Variants in ST3GAL1 observed in about 807,000 individuals in gnomAD.
ST3GAL1 encodes ST3 beta-galactoside alpha-2,3-sialyltransferase 1, also known as CMP-N-acetylneuraminate-beta-galactosamide-alpha-2,3-sialyltransferase 1.
Under a neutral mutation model 34.1 loss-of-function variants are expected in ST3GAL1, and 16 were observed. The ratio of observed to expected loss-of-function variants is 0.47; its 90% CI spans 0.32 to 0.71. The LOEUF (loss-of-function observed/expected upper bound fraction) is 0.71, where lower values mean the gene tolerates loss of function less well. Ranked by LOEUF, ST3GAL1 falls within the 30% of genes least tolerant of loss-of-function variation. ST3GAL1 has a pLI of 0.04. For missense variants in ST3GAL1, 353 were observed against 447.4 expected (o/e 0.79, Z 1.90); for synonymous variants, 191 against 184.7 (o/e 1.03, Z -0.28).
chr8:133,501,869 C>T (rs1225681397), intron 2 of ST3GAL1, among the ~76,000 whole-genome samples: 1 of 152,170 alleles, frequency 6.6e-6, no homozygotes, highest in Non-Finnish European at 1.5e-5. Flanking sequence ...GCTGAGATGT[C>T]GTGGGCAGAA....
intron 3 of ST3GAL1, among the ~76,000 whole-genome samples, chr8:133,484,809 T>C (rs1816520225): frequency 1.3e-5 from 2 of 152,100 alleles, no homozygotes; most frequent in South Asian, 4.2e-4. Context: ...TCCATCCCCC[T>C]GAAGCTAAGG....
chr8:133,518,382 T>C (rs1817705970), intron 2 of ST3GAL1, among the ~76,000 whole-genome samples: 1 of 152,178 alleles, frequency 6.6e-6, no homozygotes, highest in Admixed American at 6.5e-5. Flanking sequence ...TGTAATTACC[T>C]GCCCCGTGTA....
rs1815729052 is a variant in ST3GAL1 at position 133,466,195 on chromosome 8, C to T, written c.307-105G>A. On this transcript the variant is annotated intron_variant, in intron 5 of 9. Coordinates refer to ENST00000522652, the MANE Select transcript of ST3GAL1 (RefSeq NM_173344.3). The surrounding 1 kb of genome is among the most constrained non-coding windows in gnomAD (Gnocchi z 4.4). Reference sequence around the variant, plus strand: ...TGTCGTTTACTGGGGCCCTCCTGTTCACCCTTCTCTCTGCTGGGCCCCCGG... The same window carrying T: ...TGTCGTTTACTGGGGCCCTCCTGTTTACCCTTCTCTCTGCTGGGCCCCCGG... The T allele has an allele frequency of 8.4e-7, 1 of 1,190,114 alleles. No homozygotes were observed. The highest frequency in any genetic ancestry group is 2.5e-5 in the East Asian group (1 of 40,040). The allele number at this position is 1,190,114 out of a possible 1,614,324, so 73.7% of individuals were successfully genotyped here.
rs772561787 is a variant in ST3GAL1 at position 133,475,803 on chromosome 8, G to A, written c.222C>T (p.Phe74=). Residue 74 remains phenylalanine (F), a synonymous_variant, in exon 5 of 10, where the codon TTC becomes TTT. Coordinates refer to ENST00000522652, the MANE Select transcript of ST3GAL1 (RefSeq NM_173344.3). ...CIGQRKLSAW[F]DERFNQTMQP... ...GCATGGTCTGGTTGAACCTCTCATC[G>A]AACCAGGCCGAGAGCTTGCGCTGCC... The A allele has an allele frequency of 4.3e-6, 7 of 1,614,044 alleles. No individual in the cohort carries two copies. Among genetic ancestry groups the A allele is most frequent in the South Asian group, 2.2e-5 (2 of 91,070 alleles).
At chr8:133,511,786 G>A (rs1220300614) in intron 2 of ST3GAL1, among the ~76,000 whole-genome samples, 1 of 152,190 alleles carries the variant, frequency 6.6e-6, no homozygotes, top group Admixed American at 6.5e-5. Flanking sequence ...AGGCACGGTG[G>A]CTCATGCCTG....
intron 7 of ST3GAL1, among the ~76,000 whole-genome samples, chr8:133,464,081 C>G (rs1815630374): frequency 6.6e-6 from 1 of 152,022 alleles, no homozygotes; most frequent in Admixed American, 6.6e-5. Context: ...AGAAGACAGA[C>G]AGCTTGTGGA....
chr8:133,506,949 A>G (rs1563719002), intron 2 of ST3GAL1, among the ~76,000 whole-genome samples: 2 of 105,688 alleles, frequency 1.9e-5, no homozygotes, highest in East Asian at 2.1e-4. Flanking sequence ...ATAAATAAAT[A>G]AATAAATAAT....
At chr8:133,484,051 A>T (rs1190105229) in intron 3 of ST3GAL1, among the ~76,000 whole-genome samples, 1 of 152,150 alleles carries the variant, frequency 6.6e-6, no homozygotes, top group Non-Finnish European at 1.5e-5. Flanking sequence ...ATTGGGGGTC[A>T]TCTCTTTTTT....
At chr8:133,471,326 G>A (rs1056330276) in intron 5 of ST3GAL1, among the ~76,000 whole-genome samples, 12 of 139,780 alleles carry the variant, frequency 8.6e-5, no homozygotes, top group Non-Finnish European at 1.5e-4. Flanking sequence ...CCCCGGTGCC[G>A]TGTGGGGTGG....
chr8:133,475,782 G>A lies in ST3GAL1; in HGVS notation c.243C>T (p.Thr81=). Residue 81 remains threonine (T), a synonymous_variant, in exon 5 of 10, where the codon ACC becomes ACT. Coordinates refer to ENST00000522652, the MANE Select transcript of ST3GAL1 (RefSeq NM_173344.3). ...TCTGGGCGGTCAGCAGCGGCTGCAT[G>A]GTCTGGTTGAACCTCTCATCGAACC... ...SAWFDERFNQ[T]MQPLLTAQNA... 1 of 1,613,738 alleles carries A rather than the reference G, an allele frequency of 6.2e-7. No homozygotes were observed. The highest frequency in any genetic ancestry group is 1.3e-5 in the African/African-American group (1 of 75,032).
intron 1 of ST3GAL1, among the ~76,000 whole-genome samples, chr8:133,562,794 T>TTTCCTTCCTTCCTTCC (rs772597674): frequency 1.3e-3 from 141 of 108,592 alleles, no homozygotes; most frequent in African/African-American, 4.6e-3. Flanking sequence ...TCTTTCTTTC[T>TTTCCTTCCTTCCTTCC]TTCCTTCCTT....
intron 2 of ST3GAL1, among the ~76,000 whole-genome samples, chr8:133,524,963 T>C (rs745707401): frequency 6.6e-6 from 1 of 152,230 alleles, no homozygotes; most frequent in African/African-American, 2.4e-5. Context: ...GGGCCACAGC[T>C]CTTCTCTCCT....
At position 133,556,759 on chromosome 8, in the gene ST3GAL1, A is replaced by T. The variant is rs17721936; in HGVS notation, c.-581-10833T>A. 0.065 allele frequency among the ~76,000 whole-genome samples: 9,878 copies of T among 152,230 alleles called. 439 individuals carry two copies. The highest frequency in any genetic ancestry group is 0.14 in the South Asian group (680 of 4,822). On this transcript the variant is annotated intron_variant, in intron 1 of 9. Transcript: ENST00000522652. The surrounding 1 kb of genome is among the most constrained non-coding windows in gnomAD (Gnocchi z 8.9). Reference sequence around the variant, plus strand: ...ATAAAGTCTGTCCCTGGCAAATGTGACCCAGAATGCCACCACTAACAGTCC... The same window carrying T: ...ATAAAGTCTGTCCCTGGCAAATGTGTCCCAGAATGCCACCACTAACAGTCC...
rs1210891958 is a variant in ST3GAL1, at chr8:133,475,701, T to C, written c.306+18A>G. 1.9e-6 allele frequency: 3 copies of C among 1,566,508 alleles called. No homozygotes were observed. Among genetic ancestry groups the C allele is most frequent in the African/African-American group, 1.3e-5 (1 of 74,144 alleles). Reference sequence around the variant, plus strand: ...CCCCAACTCTCAGCCCAGACCCCGCTCTCAGGCAGCATCTCACCAGCCACC... The same window carrying C: ...CCCCAACTCTCAGCCCAGACCCCGCCCTCAGGCAGCATCTCACCAGCCACC... On this transcript the variant is annotated intron_variant, in intron 5 of 9. Transcript: ENST00000522652.
In ST3GAL1 at chr8:133,539,309, G is replaced by A. The variant is rs181896496; in HGVS notation, c.-429+6465C>T. Among the ~76,000 whole-genome samples, 661 of 152,254 alleles carry A rather than the reference G, an allele frequency of 4.3e-3. 2 individuals carry two copies. The highest frequency in any genetic ancestry group is 0.015 in the African/African-American group (622 of 41,530). On this transcript the variant is annotated intron_variant, in intron 2 of 9. Coordinates refer to ENST00000522652, the MANE Select transcript of ST3GAL1 (RefSeq NM_173344.3). ...ACCATGGAGCACCAGGATTCCCACCGCCAACTCCCCTTGTGGCCAGCTCAC... is the reference window on the plus strand; with the variant it reads ...ACCATGGAGCACCAGGATTCCCACCACCAACTCCCCTTGTGGCCAGCTCAC...
chr8:133,478,243 A>G (rs1816252115), intron 3 of ST3GAL1, among the ~76,000 whole-genome samples: 1 of 152,212 alleles, frequency 6.6e-6, no homozygotes, highest in African/African-American at 2.4e-5. Flanking sequence ...TAGGCTCACA[A>G]TTCACTTGAC....
rs950604818 is a variant in ST3GAL1, at chr8:133,466,358, C to T, written c.307-268G>A. Among the ~76,000 whole-genome samples, 7 of 152,192 alleles carry T rather than the reference C, an allele frequency of 4.6e-5. No homozygotes were observed. The highest frequency in any genetic ancestry group is 1.4e-4 in the African/African-American group (6 of 41,436). The stretch of plus-strand genomic sequence containing the variant: ...TACCATGTGCCAGGCACTGCTGAAG[C>T]CGCTTGGGTGATCCAGCCACACCTG... On this transcript the variant is annotated intron_variant, in intron 5 of 9. Coordinates refer to ENST00000522652, the MANE Select transcript of ST3GAL1 (RefSeq NM_173344.3). The surrounding 1 kb of genome is among the most constrained non-coding windows in gnomAD (Gnocchi z 4.4).
At chr8:133,565,635 T>A (rs1456212932) in intron 1 of ST3GAL1, among the ~76,000 whole-genome samples, 1 of 152,160 alleles carries the variant, frequency 6.6e-6, no homozygotes, top group Non-Finnish European at 1.5e-5. Flanking sequence ...CACTACTGGG[T>A]GTACATTAAA....
intron 2 of ST3GAL1, among the ~76,000 whole-genome samples, chr8:133,530,841 G>A (rs1303156533): frequency 6.6e-6 from 1 of 152,174 alleles, no homozygotes; most frequent in African/African-American, 2.4e-5. Context: ...GTGGTGCCTG[G>A]AGGCAGATGT....
Sources: allele counts gnomAD v4.1 joint callset (sites outside exome capture counted in the v4.1 genomes callset), GRCh38; gene constraint gnomAD v4.1.1; non-coding constraint Gnocchi (gnomAD v3.1); transcripts MANE v1.5; gene names NCBI Gene and HGNC (gene_info 2026-07-23, HGNC 2026-07-21).